RANGAP1: variants seen among roughly 807,000 people sequenced by gnomAD.
RANGAP1 encodes the protein Ran GTPase activating protein 1.
Under a neutral mutation model 63.5 loss-of-function variants are expected in RANGAP1, and 38 were observed. The observed-to-expected ratio is 0.60, with a 90% CI of 0.46 to 0.78. The LOEUF (loss-of-function observed/expected upper bound fraction) is 0.78, where lower values mean the gene tolerates loss of function less well. RANGAP1 is among the 30% of genes least tolerant of loss of function. The pLI, the probability that RANGAP1 is intolerant of heterozygous loss-of-function variation, is 0.00. For synonymous variants in RANGAP1, 329 were observed against 310.5 expected (o/e 1.06, Z -0.63); for missense variants, 630 against 740.3 (o/e 0.85, Z 1.73).
intron 15 of RANGAP1, among the ~76,000 whole-genome samples, chr22:41,247,416 A>T (rs974615960): frequency 4.0e-5 from 6 of 151,824 alleles, no homozygotes; most frequent in African/African-American, 1.5e-4. Flanking sequence ...CAGTCCTGGA[A>T]TCATGGCTCC....
chr22:41,266,955 A>G (rs1191241491), intron 4 of RANGAP1, among the ~76,000 whole-genome samples: 1 of 142,910 alleles, frequency 7.0e-6, no homozygotes, highest in Non-Finnish European at 1.5e-5. Context: ...ATCTTGGCTC[A>G]CTGCAACCTC....
At chr22:41,271,386 T>TAAAAAAAAAAAAA (rs35627809) in intron 3 of RANGAP1, among the ~76,000 whole-genome samples, 1 of 91,972 alleles carries the variant, frequency 1.1e-5, no homozygotes, top group Non-Finnish European at 2.1e-5. Context: ...AAACTGTCTC[T>TAAAAAAAAAAAAA]AAAAAAAAAC....
Position 41,244,829 on chromosome 22 carries a change from A to G in RANGAP1, c.*1774T>C, listed in dbSNP as rs574007715. Among the ~76,000 whole-genome samples the G allele has an allele frequency of 2.0e-4, 31 of 152,328 alleles. No individual in the cohort carries two copies. The South Asian group carries it at 6.4e-3, about 32-fold the overall frequency. ...ACAATTCAGTGCATTAAGTACATTCACAATGTTATGCAACCATCACCACTC... is the reference window on the plus strand; with the variant it reads ...ACAATTCAGTGCATTAAGTACATTCGCAATGTTATGCAACCATCACCACTC... On this transcript the variant is annotated 3_prime_UTR_variant, in exon 16 of 16. Transcript: ENST00000356244.
chr22:41,265,064 G>T (rs2034389634), intron 4 of RANGAP1, among the ~76,000 whole-genome samples: 1 of 152,224 alleles, frequency 6.6e-6, no homozygotes, highest in African/African-American at 2.4e-5. Flanking sequence ...GCCCGGGAAG[G>T]CTCCTTGTAA....
intron 2 of RANGAP1, 56 bp from the exon 3 acceptor site, chr22:41,274,783 T>G: frequency 1.2e-6 from 2 of 1,603,564 alleles, no homozygotes; most frequent in African/African-American, 1.3e-5. Flanking sequence ...ACAGCTAAGA[T>G]AGGAGAGAGG....
chr22:41,273,214 C>T (rs1025297472), intron 3 of RANGAP1, among the ~76,000 whole-genome samples: 26 of 152,274 alleles, frequency 1.7e-4, no homozygotes, highest in African/African-American at 5.8e-4. Context: ...AAGAGCCCAG[C>T]CCAACCCCAG....
chr22:41,264,849 C>T lies in RANGAP1; in HGVS notation c.301-6G>A. The stretch of plus-strand genomic sequence containing the variant: ...AGTCCTTCCCCTAGTGAGATCTGGG[C>T]ACAGAGGAAGCTCGTGTCAGTTTCA... On this transcript the variant is annotated splice_polypyrimidine_tract_variant and splice_region_variant and intron_variant, in intron 4 of 15. Transcript: ENST00000356244. 3.1e-6 allele frequency: 5 copies of T among 1,593,180 alleles called. No homozygotes were observed. Among genetic ancestry groups the T allele is most frequent in the Non-Finnish European group, 4.3e-6 (5 of 1,162,908 alleles).
intron 14 of RANGAP1, 44 bp from the exon 15 acceptor site, chr22:41,249,495 C>T (rs1466384084): frequency 4.6e-6 from 7 of 1,507,124 alleles, no homozygotes; most frequent in Non-Finnish European, 6.1e-6. Flanking sequence ...TCAAAGTCAC[C>T]TGGGGGGGCC....
rs1015796263 is a variant in RANGAP1 at position 41,285,467 on chromosome 22, T to A, written c.-39+519A>T. 5.1e-6 allele frequency: 5 copies of A among 979,120 alleles called. No individual in the cohort carries two copies. The East Asian group carries it at 5.7e-4, about 112-fold the overall frequency. 60.7% of individuals were successfully genotyped at this position (979,120 alleles called of 1,614,324 possible). A position where few individuals can be genotyped will look rare whatever the true frequency, so the allele number is the denominator to read the frequency against. ...GCAAAGGGCTAATAGAGAAACATCC[T>A]CTCCCCGCTCCGCAGCAACGTCAGA... On this transcript the variant is annotated intron_variant, in intron 1 of 15. Transcript: ENST00000356244.
the RANGAP1 span, among the ~76,000 whole-genome samples, chr22:41,295,127 G>A: frequency 1.3e-4 from 19 of 150,380 alleles, no homozygotes; most frequent in East Asian, 4.2e-4. Flanking sequence ...GGTGAGGGGC[G>A]CCTCTGCCCG....
intron 1 of RANGAP1, among the ~76,000 whole-genome samples, chr22:41,284,612 C>T (rs1356041562): frequency 1.3e-5 from 2 of 152,160 alleles, no homozygotes; most frequent in African/African-American, 4.8e-5. Context: ...TGGTTCACTC[C>T]TGCAATCCCA....
At chr22:41,295,179 C>A in the RANGAP1 span, among the ~76,000 whole-genome samples, 9 of 147,780 alleles carry the variant, frequency 6.1e-5, no homozygotes, top group Non-Finnish European at 1.2e-4. Context: ...TGCCCGGCCA[C>A]CACCCCGTCT....
chr22:41,269,463 G>A (rs2034667475), intron 3 of RANGAP1, among the ~76,000 whole-genome samples: 1 of 151,962 alleles, frequency 6.6e-6, no homozygotes, highest in African/African-American at 2.4e-5. Context: ...TGCCGGGCAT[G>A]GTGGCTCACA....
intron 4 of RANGAP1, 65 bp downstream of exon 4, chr22:41,268,032 A>G (rs943838889): frequency 2.1e-6 from 3 of 1,427,826 alleles, no homozygotes; most frequent in Non-Finnish European, 2.9e-6. Context: ...AAAGCATGAG[A>G]AAAGCCCTGG....
intron 4 of RANGAP1, among the ~76,000 whole-genome samples, chr22:41,265,683 TACATTC>T (rs1428113101): frequency 6.6e-6 from 1 of 152,086 alleles, no homozygotes; most frequent in East Asian, 1.9e-4. Flanking sequence ...TGGGGAGAGC[TACATTC>T]CCTCACCCCA....
chr22:41,246,439 C>T lies in RANGAP1; in HGVS notation c.*164G>A. On this transcript the variant is annotated 3_prime_UTR_variant, in exon 16 of 16. Coordinates refer to ENST00000356244, the MANE Select transcript of RANGAP1 (RefSeq NM_002883.4). ...GAGGCACAGACCTGCACATGCGCCACACCCACACACATACTCAGGGGACTG... is the reference window on the plus strand; with the variant it reads ...GAGGCACAGACCTGCACATGCGCCATACCCACACACATACTCAGGGGACTG... 1.4e-6 allele frequency: 1 copy of T among 690,712 alleles called. No individual in the cohort carries two copies. Among genetic ancestry groups the T allele is most frequent in the Non-Finnish European group, 2.4e-6 (1 of 415,148 alleles). 42.8% of individuals were successfully genotyped at this position (690,712 alleles called of 1,614,324 possible). A position where few individuals can be genotyped will look rare whatever the true frequency, so the allele number is the denominator to read the frequency against.
intron 3 of RANGAP1, among the ~76,000 whole-genome samples, chr22:41,269,532 TGA>T (rs2034671756): frequency 6.6e-6 from 1 of 151,504 alleles, no homozygotes; most frequent in African/African-American, 2.4e-5. Flanking sequence ...GTCAGGAGTT[TGA>T]GAGTAGCCTG....
chr22:41,253,109 A>C, intron 11 of RANGAP1, 118 bp from the exon 12 acceptor site: 2 of 1,105,354 alleles, frequency 1.8e-6, no homozygotes, highest in Non-Finnish European at 2.3e-6. Context: ...CTAGGCTCAA[A>C]GTCTAGAATT....
chr22:41,283,792 A>G (rs1472870267), intron 1 of RANGAP1, among the ~76,000 whole-genome samples: 1 of 152,222 alleles, frequency 6.6e-6, no homozygotes, highest in Admixed American at 6.6e-5. Flanking sequence ...GCCCATTTGA[A>G]GAACAGTGGC....
Sources: gnomAD v4.1 joint callset for allele counts (sites outside exome capture counted in the v4.1 genomes callset) on GRCh38, gnomAD v4.1.1 for gene constraint, MANE v1.5 for transcripts, NCBI Gene and HGNC (gene_info 2026-07-23, HGNC 2026-07-21) for gene names.